ANK2: variants seen among roughly 807,000 people sequenced by gnomAD.
ANK2 encodes ankyrin-2.
In ANK2, 83 loss-of-function variants were observed where a neutral mutation model predicts 360.5. The observed-to-expected ratio is 0.23, with a 90% CI of 0.19 to 0.28. ANK2 has a LOEUF of 0.28. Ranked by LOEUF, ANK2 falls within the 10% of genes least tolerant of loss-of-function variation. The pLI, the probability that ANK2 is intolerant of heterozygous loss-of-function variation, is 1.00. For synonymous variants in ANK2, 1,740 were observed against 1,759.5 expected (o/e 0.99, Z 0.28); for missense variants, 4,201 against 4,795.7 (o/e 0.88, Z 3.66).
At chr4:112,878,704 G>A (rs955127845) in intron 1 of ANK2, among the ~76,000 whole-genome samples, 6 of 151,840 alleles carry the variant, frequency 4.0e-5, no homozygotes, top group Non-Finnish European at 5.9e-5. Flanking sequence ...CGCGATCTAG[G>A]CTCACTACAA....
In ANK2 at chr4:112,850,324, T is replaced by C. The variant is rs1011931967; in HGVS notation, c.-40+32060T>C. Among the ~76,000 whole-genome samples, 3 of 133,810 alleles carry C rather than the reference T, an allele frequency of 2.2e-5. No individual in the cohort carries two copies. The Admixed American group carries it at 2.3e-4, about 10-fold the overall frequency. 87.8% of individuals were successfully genotyped at this position (133,810 alleles called of 152,430 possible). On this transcript the variant is annotated intron_variant, in intron 1 of 30. Coordinates refer to the ANK2 transcript ENST00000503271. ...TCTAATTTGTTCATCCATCCATCCA[T>C]TCATCTGTCCATCCATCCATCCATC...
At chr4:113,291,741 A>G (rs1388956755) in intron 20 of ANK2, among the ~76,000 whole-genome samples, 1 of 152,208 alleles carries the variant, frequency 6.6e-6, no homozygotes, top group African/African-American at 2.4e-5. Flanking sequence ...TTTAATAAAT[A>G]ATAGCCATTG....
intron 14 of ANK2, 109 bp from the exon 15 acceptor site, chr4:113,274,343 T>C: frequency 8.2e-7 from 1 of 1,225,832 alleles, no homozygotes; most frequent in Non-Finnish European, 1.2e-6. Flanking sequence ...TTCTTTTGGG[T>C]GGGGTTCCTA....
chr4:112,728,292 C>CAAAAAAAA, the ANK2 span, among the ~76,000 whole-genome samples: 38 of 40,128 alleles, frequency 9.5e-4, no homozygotes, highest in Admixed American at 3.9e-3. Context: ...GACTCTGTCT[C>CAAAAAAAA]AAAAAAAAAA....
In ANK2 at chr4:113,049,812, G is replaced by A. The variant is rs139765650; in HGVS notation, c.84G>A (p.Lys28=). ...GSSQRRKRPK[K]SDSNASFLRA... ...GTCAGAGGAGAAAAAGACCCAAGAA[G>A]GTAAATCGCCGGAATTAGGAATGTC... The change falls in exon 1 of 46, where the codon AAG becomes AAA. Residue 28 remains lysine, a splice_region_variant and synonymous_variant. Coordinates refer to ENST00000357077, the MANE Select transcript of ANK2 (RefSeq NM_001148.6). The A allele has an allele frequency of 1.2e-6, 2 of 1,613,536 alleles. No individual in the cohort carries two copies. Among genetic ancestry groups the A allele is most frequent in the African/African-American group, 2.7e-5 (2 of 75,002 alleles).
chr4:113,118,832 T>G (rs1443724540), intron 1 of ANK2, among the ~76,000 whole-genome samples: 1 of 152,204 alleles, frequency 6.6e-6, no homozygotes, highest in Non-Finnish European at 1.5e-5. Flanking sequence ...TTTTTATCTT[T>G]TGTTCTCCAA....
intron 1 of ANK2, among the ~76,000 whole-genome samples, chr4:113,092,472 C>T (rs538966479): frequency 7.4e-5 from 11 of 148,442 alleles, no homozygotes; most frequent in Non-Finnish European, 1.0e-4. Context: ...CCTATGGAAG[C>T]GGAATTTATA....
At chr4:113,285,342 T>TC (rs1563426115) in intron 18 of ANK2, among the ~76,000 whole-genome samples, 3 of 152,126 alleles carry the variant, frequency 2.0e-5, no homozygotes, top group Non-Finnish European at 4.4e-5. Context: ...ATCCCTTCAG[T>TC]TGAGGGCTCA....
At chr4:112,720,878 A>G in the ANK2 span, among the ~76,000 whole-genome samples, 2 of 152,238 alleles carry the variant, frequency 1.3e-5, no homozygotes, top group Non-Finnish European at 1.5e-5. Context: ...GGCCATGACT[A>G]TTAGAGGACC....
chr4:113,003,952 T>C (rs1485767034), intron 2 of ANK2, among the ~76,000 whole-genome samples: 2 of 152,164 alleles, frequency 1.3e-5, no homozygotes, highest in Non-Finnish European at 2.9e-5. Context: ...TATTTATGTA[T>C]CTAAACATGG....
intron 10 of ANK2, among the ~76,000 whole-genome samples, chr4:113,252,607 C>G (rs1361832583): frequency 1.3e-5 from 2 of 152,088 alleles, no homozygotes; most frequent in Non-Finnish European, 2.9e-5. Context: ...TCACACTTGC[C>G]AGCCCCTCCT....
intron 3 of ANK2, 138 bp from the exon 4 acceptor site, chr4:113,198,862 ATAATCTCTTCG>A (rs2098789206): frequency 1.5e-6 from 1 of 665,954 alleles, no homozygotes; most frequent in Non-Finnish European, 2.5e-6. Flanking sequence ...ATGGTAAAAA[ATAATCTCTTCG>A]TAAGTGGGCT....
At chr4:113,108,261 G>A (rs1196277772) in intron 1 of ANK2, among the ~76,000 whole-genome samples, 2 of 152,024 alleles carry the variant, frequency 1.3e-5, no homozygotes, top group African/African-American at 2.4e-5. Flanking sequence ...AAATATTTTC[G>A]AAGCTTCCTC....
chr4:113,117,988 A>T (rs2094996283), intron 1 of ANK2, among the ~76,000 whole-genome samples: 1 of 152,146 alleles, frequency 6.6e-6, no homozygotes, highest in Non-Finnish European at 1.5e-5. Context: ...CATTTTTAAA[A>T]TTTTAATTAA....
chr4:112,733,100 C>T, the ANK2 span, among the ~76,000 whole-genome samples: 15 of 152,078 alleles, frequency 9.9e-5, no homozygotes, highest in African/African-American at 3.6e-4. Flanking sequence ...ACCTGTAATC[C>T]CAGCTAATCT....
chr4:113,047,666 T>C (rs928000954), upstream of ANK2, among the ~76,000 whole-genome samples: 2 of 85,866 alleles, frequency 2.3e-5, no homozygotes, highest in African/African-American at 4.5e-5. Flanking sequence ...AGAAGCTCTT[T>C]GGGGTTTTGT....
chr4:112,806,856 A>G, the ANK2 span, among the ~76,000 whole-genome samples: 26 of 152,104 alleles, frequency 1.7e-4, no homozygotes, highest in Non-Finnish European at 2.8e-4. Flanking sequence ...GAAAAAATAT[A>G]TACACTGATT....
intron 37 of ANK2, among the ~76,000 whole-genome samples, chr4:113,351,461 ATTATT>A (rs1333764607): frequency 6.6e-6 from 1 of 152,182 alleles, no homozygotes; most frequent in Non-Finnish European, 1.5e-5. Context: ...ATTGGTATAA[ATTATT>A]TTAATAAATT....
chr4:112,816,950 G>T (rs1005631675), upstream of ANK2, among the ~76,000 whole-genome samples: 5 of 152,198 alleles, frequency 3.3e-5, no homozygotes, highest in Non-Finnish European at 7.3e-5. Context: ...GGGGGAAGTT[G>T]CAGTGAGCCA....
Sources: allele counts gnomAD v4.1 joint callset (sites outside exome capture counted in the v4.1 genomes callset), GRCh38; gene constraint gnomAD v4.1.1; transcripts MANE v1.5; gene names NCBI Gene and HGNC (gene_info 2026-07-23, HGNC 2026-07-21).